Variants in ARHGAP24 observed in about 807,000 individuals in gnomAD.
ARHGAP24 encodes rho GTPase-activating protein 24.
In ARHGAP24, 50 loss-of-function variants were observed where a neutral mutation model predicts 76.4. The ratio of observed to expected loss-of-function variants is 0.65; its 90% CI spans 0.52 to 0.83. The LOEUF is 0.83. ARHGAP24 is among the 40% of genes least tolerant of loss of function. ARHGAP24 has a pLI of 0.00. For synonymous variants in ARHGAP24, 345 were observed against 323.3 expected (o/e 1.07, Z -0.72); for missense variants, 930 against 914.2 (o/e 1.02, Z -0.22).
At chr4:85,484,193 T>A (rs1403981173) in intron 1 of ARHGAP24, among the ~76,000 whole-genome samples, 1 of 152,194 alleles carries the variant, frequency 6.6e-6, no homozygotes, top group East Asian at 1.9e-4. Context: ...GCTGACTAGC[T>A]AGATTCTGTA....
chr4:85,580,591 C>CT (rs908306919), intron 2 of ARHGAP24, among the ~76,000 whole-genome samples: 4 of 152,116 alleles, frequency 2.6e-5, no homozygotes, highest in African/African-American at 4.8e-5. Context: ...ATTTTCTTTG[C>CT]TCTACGAACT....
At chr4:85,841,732 G>A (rs1387793334) in intron 3 of ARHGAP24, among the ~76,000 whole-genome samples, 1 of 152,190 alleles carries the variant, frequency 6.6e-6, no homozygotes, top group African/African-American at 2.4e-5. Context: ...AAGTACACCT[G>A]TATATAAAAC....
rs183813719 is a variant in ARHGAP24 at position 85,504,563 on chromosome 4, A to G, written c.-21+29004A>G. ...CAACCCCTGCCTTTTTTTGTTTTCCATTTGCTTGGTAGATCTTCCTCCATC... is the reference window on the plus strand; with the variant it reads ...CAACCCCTGCCTTTTTTTGTTTTCCGTTTGCTTGGTAGATCTTCCTCCATC... On this transcript the variant is annotated intron_variant, in intron 1 of 9. Transcript: ENST00000395184. Among the ~76,000 whole-genome samples, 672 of 151,606 alleles carry G rather than the reference A, an allele frequency of 4.4e-3. 4 individuals carry two copies. The highest frequency in any genetic ancestry group is 0.015 in the African/African-American group (633 of 41,330).
At chr4:85,783,410 ACTTTGCTC>A (rs1255374272) in intron 3 of ARHGAP24, among the ~76,000 whole-genome samples, 1 of 152,022 alleles carries the variant, frequency 6.6e-6, no homozygotes, top group African/African-American at 2.4e-5. Flanking sequence ...TTTACATATG[ACTTTGCTC>A]ATTTGATTAT....
intron 3 of ARHGAP24, among the ~76,000 whole-genome samples, chr4:85,894,978 AAAAAAAAAAAC>A (rs1560701588): frequency 1.0e-3 from 39 of 38,064 alleles, no homozygotes; most frequent in Non-Finnish European, 1.6e-3. Context: ...AAAAAAAAAA[AAAAAAAAAAAC>A]AAAACAAAAA....
chr4:85,980,565 T>C (rs1279190412), intron 8 of ARHGAP24, among the ~76,000 whole-genome samples: 1 of 152,238 alleles, frequency 6.6e-6, no homozygotes, highest in East Asian at 1.9e-4. Flanking sequence ...TTTATTCTTT[T>C]AATATTTATA....
intron 3 of ARHGAP24, among the ~76,000 whole-genome samples, chr4:85,919,544 T>C (rs941132070): frequency 1.3e-5 from 2 of 152,152 alleles, no homozygotes; most frequent in Non-Finnish European, 2.9e-5. Flanking sequence ...AAATGAGGAA[T>C]GAAGGTCTAG....
intron 3 of ARHGAP24, among the ~76,000 whole-genome samples, chr4:85,855,980 T>C (rs1346041803): frequency 6.6e-6 from 1 of 152,194 alleles, no homozygotes; most frequent in Non-Finnish European, 1.5e-5. Context: ...TGAACATTCA[T>C]GTAGAAGATG....
intron 1 of ARHGAP24, among the ~76,000 whole-genome samples, chr4:85,569,278 C>T (rs59153049): frequency 0.023 from 3,465 of 152,210 alleles, 141 homozygotes; most frequent in African/African-American, 0.078. Flanking sequence ...GAATAATCTA[C>T]GTTTTATCAG....
chr4:85,829,744 A>G (rs925166679), intron 3 of ARHGAP24, among the ~76,000 whole-genome samples: 1 of 152,222 alleles, frequency 6.6e-6, no homozygotes, highest in African/African-American at 2.4e-5. Context: ...CTGTTTTATC[A>G]ACACAAGAGT....
At chr4:85,692,546 G>A (rs79399253) in intron 2 of ARHGAP24, among the ~76,000 whole-genome samples, 19,819 of 151,442 alleles carry the variant, frequency 0.13, 1,997 homozygotes, top group East Asian at 0.56. Flanking sequence ...CTTTATTTTT[G>A]TCTGAGTTGA....
At chr4:85,903,722 C>T (rs992088224) in intron 3 of ARHGAP24, among the ~76,000 whole-genome samples, 5 of 152,026 alleles carry the variant, frequency 3.3e-5, no homozygotes, top group African/African-American at 9.7e-5. Context: ...CTGAATTGGA[C>T]CCAGACACCC....
intron 3 of ARHGAP24, among the ~76,000 whole-genome samples, chr4:85,730,409 T>C (rs1725356475): frequency 6.7e-6 from 1 of 149,680 alleles, no homozygotes; most frequent in Admixed American, 6.8e-5. Context: ...ATTAGCTGTT[T>C]TTTGTTTTGT....
intron 3 of ARHGAP24, among the ~76,000 whole-genome samples, chr4:85,790,827 T>C (rs919001884): frequency 2.0e-5 from 3 of 152,220 alleles, no homozygotes; most frequent in African/African-American, 7.2e-5. Context: ...CTGAGAAATA[T>C]GCTAGTCTAG....
intron 3 of ARHGAP24, among the ~76,000 whole-genome samples, chr4:85,751,416 G>A (rs755658376): frequency 6.6e-6 from 1 of 152,134 alleles, no homozygotes; most frequent in Non-Finnish European, 1.5e-5. Context: ...TATTATGAGT[G>A]TGTGTATTAA....
At chr4:85,909,318 G>C (rs975546862) in intron 3 of ARHGAP24, among the ~76,000 whole-genome samples, 1 of 151,052 alleles carries the variant, frequency 6.6e-6, no homozygotes, top group Non-Finnish European at 1.5e-5. Flanking sequence ...TTTAATTTGT[G>C]GTGTGTGTAT....
intron 3 of ARHGAP24, among the ~76,000 whole-genome samples, chr4:85,884,386 C>G (rs1309904091): frequency 6.6e-6 from 1 of 152,146 alleles, no homozygotes; most frequent in African/African-American, 2.4e-5. Flanking sequence ...GTCTTTTAAT[C>G]TTCTCATTGT....
chr4:85,746,097 G>T (rs1726023979), intron 3 of ARHGAP24, among the ~76,000 whole-genome samples: 1 of 152,156 alleles, frequency 6.6e-6, no homozygotes, highest in African/African-American at 2.4e-5. Context: ...GAGTCGTGAA[G>T]GAGGAAGTAG....
intron 2 of ARHGAP24, among the ~76,000 whole-genome samples, chr4:85,685,623 ACT>A (rs1365613757): frequency 1.7e-5 from 2 of 117,650 alleles, no homozygotes; most frequent in East Asian, 3.1e-4. Context: ...ACAGAGCGAG[ACT>A]CTGTCTCAAA....
Sources: gnomAD v4.1 joint callset for allele counts (sites outside exome capture counted in the v4.1 genomes callset) on GRCh38, gnomAD v4.1.1 for gene constraint, MANE v1.5 for transcripts, NCBI Gene and HGNC (gene_info 2026-07-23, HGNC 2026-07-21) for gene names.